The following NCOA1 variants were observed in gnomAD, a reference collection of about 807,000 sequenced individuals.
NCOA1 encodes the protein Hin-2 protein.
Under a neutral mutation model 150.9 loss-of-function variants are expected in NCOA1, and 35 were observed. The observed-to-expected ratio is 0.23, with a 90% CI of 0.18 to 0.31. NCOA1 has a LOEUF of 0.31. Ranked by LOEUF, NCOA1 falls within the 10% of genes least tolerant of loss-of-function variation. The pLI is 1.00. For synonymous variants in NCOA1, 590 were observed against 630.0 expected, an observed-to-expected ratio of 0.94 and a Z score of 0.95; for missense variants, 1,491 against 1,749.3, an observed-to-expected ratio of 0.85 and a Z score of 2.63.
chr2:24,630,721 A>G (rs2148431083), intron 3 of NCOA1, among the ~76,000 whole-genome samples: 1 of 152,340 alleles, frequency 6.6e-6, no homozygotes, highest in East Asian at 1.9e-4. Flanking sequence ...ATGTGAAGAA[A>G]TGAGTTCTTT....
In NCOA1 at chr2:24,519,137, G is replaced by A. The variant is rs969145063; in HGVS notation, c.-396+27535G>A. 1.5e-4 allele frequency among the ~76,000 whole-genome samples: 23 copies of A among 152,158 alleles called. 1 individual carries two copies. The highest frequency in any genetic ancestry group is 2.9e-5 in the Non-Finnish European group (2 of 68,024). ...TTTCAAGACAGACAAGTAGATTGAT[G>A]GAACAGAATAGAAAGTCTGGAATAG... On this transcript the variant is annotated intron_variant, in intron 1 of 22. Transcript: ENST00000348332.
At chr2:24,651,515 C>A (rs1350560664) in intron 4 of NCOA1, among the ~76,000 whole-genome samples, 1 of 151,858 alleles carries the variant, frequency 6.6e-6, no homozygotes, top group Non-Finnish European at 1.5e-5. Flanking sequence ...GGCAAATATA[C>A]AGAGATAGAG....
At chr2:24,603,710 G>A (rs1333681732) in intron 3 of NCOA1, among the ~76,000 whole-genome samples, 1 of 152,152 alleles carries the variant, frequency 6.6e-6, no homozygotes, top group Non-Finnish European at 1.5e-5. Flanking sequence ...TTCTCTTGCT[G>A]TTTTTACCAT....
chr2:24,513,403 T>C (rs1664019084), intron 1 of NCOA1, among the ~76,000 whole-genome samples: 2 of 152,238 alleles, frequency 1.3e-5, no homozygotes, highest in African/African-American at 4.8e-5. Flanking sequence ...ACCCTTTTTT[T>C]TTCTCATCCT....
intron 15 of NCOA1, among the ~76,000 whole-genome samples, chr2:24,727,427 T>C (rs1187182421): frequency 6.6e-6 from 1 of 152,182 alleles, no homozygotes; most frequent in East Asian, 1.9e-4. Flanking sequence ...CAAGAAGTTA[T>C]AAGAAAGGAA....
At chr2:24,628,449 T>C (rs896153529) in intron 3 of NCOA1, among the ~76,000 whole-genome samples, 12 of 152,238 alleles carry the variant, frequency 7.9e-5, no homozygotes, top group African/African-American at 2.7e-4. Flanking sequence ...ATTAGGATTG[T>C]TGAATTAGAG....
chr2:24,625,607 C>T (rs1431091828), intron 3 of NCOA1, among the ~76,000 whole-genome samples: 1 of 152,064 alleles, frequency 6.6e-6, no homozygotes, highest in Admixed American at 6.5e-5. Context: ...AAATCTATTT[C>T]CCCCAAAGGA....
At chr2:24,740,662 C>CA (rs1264196923) in intron 18 of NCOA1, among the ~76,000 whole-genome samples, 1 of 152,172 alleles carries the variant, frequency 6.6e-6, no homozygotes, top group Non-Finnish European at 1.5e-5. Flanking sequence ...CAGATATTGA[C>CA]ATCTTCATGG....
chr2:24,697,574 T>G, intron 10 of NCOA1, 84 bp from the exon 11 acceptor site: 2 of 1,199,938 alleles, frequency 1.7e-6, no homozygotes, highest in Non-Finnish European at 2.3e-6. Flanking sequence ...AAAGAATATT[T>G]CTTAGATGCA....
In NCOA1 at chr2:24,537,239, TACACACAC is replaced by T. The variant is rs36086647; in HGVS notation, c.-395-27034_-395-27027del. On this transcript the variant is annotated intron_variant, in intron 1 of 22. Transcript: ENST00000348332. ...AAATCAATAAGGTAACTGTGATACA[TACACACAC>T]ACACACACACACACACACACAGACA... Among the ~76,000 whole-genome samples the T allele has an allele frequency of 5.3e-3, 785 of 148,750 alleles. 4 individuals are homozygous for T. The highest frequency in any genetic ancestry group is 9.2e-3 in the Non-Finnish European group (620 of 67,282).
At chr2:24,551,645 T>G (rs1338397838) in intron 1 of NCOA1, among the ~76,000 whole-genome samples, 2 of 152,232 alleles carry the variant, frequency 1.3e-5, no homozygotes, top group African/African-American at 4.8e-5. Flanking sequence ...GCTGCTTTCA[T>G]GCTACAATGG....
rs1666947727 is a variant in NCOA1, at chr2:24,576,149, G to GTTTTTTTTTGTTTTT, written c.-259-8318_-259-8317insGTTTTTTTTTTTTTT. ...GAGTTTCAGAAATTATTTGGCCTTT[G>GTTTTTTTTTGTTTTT]TTTTTTTTTTTTTGTTTTTTGTTTT... On this transcript the variant is annotated intron_variant, in intron 2 of 22. Transcript: ENST00000348332. Among the ~76,000 whole-genome samples, 147 of 93,940 alleles carry GTTTTTTTTTGTTTTT rather than the reference G, an allele frequency of 1.6e-3. 4 individuals carry two copies. Among genetic ancestry groups the GTTTTTTTTTGTTTTT allele is most frequent in the Non-Finnish European group, 2.5e-3 (123 of 48,810 alleles). The allele number at this position is 93,940 out of a possible 152,430, so 61.6% of individuals were successfully genotyped here. A position where few individuals can be genotyped will look rare whatever the true frequency, so the allele number is the denominator to read the frequency against.
intron 5 of NCOA1, among the ~76,000 whole-genome samples, chr2:24,664,855 CAA>C (rs1177848053): frequency 3.9e-5 from 6 of 152,142 alleles, no homozygotes; most frequent in Non-Finnish European, 4.4e-5. Context: ...GCTTATAAAA[CAA>C]AGAGCTACTT....
intron 1 of NCOA1, among the ~76,000 whole-genome samples, chr2:24,561,378 T>C (rs542244115): frequency 6.6e-6 from 1 of 152,226 alleles, no homozygotes; most frequent in East Asian, 1.9e-4. Flanking sequence ...TATGTAGATA[T>C]TGAAAGATAG....
intron 1 of NCOA1, among the ~76,000 whole-genome samples, chr2:24,514,162 C>G (rs141731416): frequency 0.052 from 7,876 of 151,570 alleles, 287 homozygotes; most frequent in East Asian, 0.19. Context: ...GTGGCACACA[C>G]CTGTAGTCCC....
chr2:24,552,934 A>G (rs1345634977), intron 1 of NCOA1, among the ~76,000 whole-genome samples: 7 of 152,042 alleles, frequency 4.6e-5, no homozygotes, highest in African/African-American at 1.7e-4. Context: ...TCATTTGTGG[A>G]AAAAAACAGT....
At chr2:24,736,732 ATGT>A (rs1466939282) in intron 17 of NCOA1, among the ~76,000 whole-genome samples, 2 of 151,958 alleles carry the variant, frequency 1.3e-5, no homozygotes, top group Admixed American at 6.6e-5. Flanking sequence ...TATGGGGGAG[ATGT>A]TGTGTGCATT....
chr2:24,712,446 A>G (rs1673791314), intron 14 of NCOA1, among the ~76,000 whole-genome samples: 2 of 152,192 alleles, frequency 1.3e-5, no homozygotes, highest in Non-Finnish European at 2.9e-5. Context: ...TGAGTATATA[A>G]GTACAAAAGC....
chr2:24,664,679 G>T (rs977714781), intron 5 of NCOA1, among the ~76,000 whole-genome samples: 1 of 151,968 alleles, frequency 6.6e-6, no homozygotes, highest in African/African-American at 2.4e-5. Context: ...CTGCACTGCA[G>T]CCTGGCCTCA....
Sources: allele counts gnomAD v4.1 joint callset (sites outside exome capture counted in the v4.1 genomes callset), GRCh38; gene constraint gnomAD v4.1.1; transcripts MANE v1.5; gene names NCBI Gene and HGNC (gene_info 2026-07-23, HGNC 2026-07-21).